HACE1: variants seen among roughly 807,000 people sequenced by gnomAD.
HACE1 encodes the protein HECT domain and ankyrin repeat containing E3 ubiquitin protein ligase 1.
A neutral mutation model predicts 118.4 loss-of-function variants in HACE1; 73 were observed. The observed-to-expected ratio is 0.62, with a 90% CI of 0.51 to 0.75. The LOEUF is 0.75. Ranked by LOEUF, HACE1 falls within the 30% of genes least tolerant of loss-of-function variation. The probability of loss-of-function intolerance (pLI) is 0.00; values close to 1 mark genes in which losing one functional copy is unlikely to be tolerated. For synonymous variants in HACE1, 368 were observed against 374.8 expected, an observed-to-expected ratio of 0.98 and a Z score of 0.21; for missense variants, 749 against 1,102.2, an observed-to-expected ratio of 0.68 and a Z score of 4.54.
At chr6:104,738,046 C>G (rs1486930393) in intron 22 of HACE1, among the ~76,000 whole-genome samples, 2 of 152,178 alleles carry the variant, frequency 1.3e-5, no homozygotes, top group African/African-American at 4.8e-5. Context: ...AGGCACCCCC[C>G]AGCAGGGGCA....
chr6:104,822,310 G>C (rs1772831489), intron 6 of HACE1, among the ~76,000 whole-genome samples: 1 of 150,858 alleles, frequency 6.6e-6, no homozygotes, highest in African/African-American at 2.4e-5. Context: ...ATGAACCCAG[G>C]AGGCAGAGCT....
At chr6:104,785,984 T>A (rs889446942) in intron 11 of HACE1, 2 of 152,154 alleles carry the variant, frequency 1.3e-5, no homozygotes, top group African/African-American at 4.8e-5. Context: ...ACAATCCATT[T>A]CTAATAATTA....
At position 104,774,073 on chromosome 6, in the gene HACE1, C is replaced by G. The variant is rs1479755581; in HGVS notation, c.1865-1999G>C. Among the ~76,000 whole-genome samples, 3 of 136,876 alleles carry G rather than the reference C, an allele frequency of 2.2e-5. No homozygotes were observed. In the Admixed American group the frequency reaches 2.3e-4, roughly 10 times the overall value. The allele number at this position is 136,876 out of a possible 152,430, so 89.8% of individuals were successfully genotyped here. A position where few individuals can be genotyped will look rare whatever the true frequency, so the allele number is the denominator to read the frequency against. ...CACATTACAAAAAATAGGTTATCAT[C>G]TTTTCTCTTTTTTTTTTTTTTTTTT... On this transcript the variant is annotated intron_variant, in intron 17 of 23. Transcript: ENST00000262903.
chr6:104,853,077 G>A (rs1776399344), intron 1 of HACE1, among the ~76,000 whole-genome samples: 1 of 152,126 alleles, frequency 6.6e-6, no homozygotes, highest in African/African-American at 2.4e-5. Context: ...GCTTTGGGGA[G>A]GCAATTGAGC....
At chr6:104,735,618 G>A (rs1346588524) in intron 22 of HACE1, among the ~76,000 whole-genome samples, 2 of 151,260 alleles carry the variant, frequency 1.3e-5, no homozygotes, top group South Asian at 2.1e-4. Flanking sequence ...ACGACAGAGC[G>A]AGACTCCGTC....
chr6:104,772,390 T>C (rs1002778290), intron 17 of HACE1, among the ~76,000 whole-genome samples: 1 of 152,144 alleles, frequency 6.6e-6, no homozygotes, highest in Non-Finnish European at 1.5e-5. Flanking sequence ...GAGGATCATA[T>C]ACACATACAC....
At chr6:104,784,367 G>A (rs780064386) in intron 13 of HACE1, 50 bp downstream of exon 13, 2 of 1,214,658 alleles carry the variant, frequency 1.6e-6, no homozygotes, top group Non-Finnish European at 2.5e-6. Context: ...GAAACTGTAA[G>A]TAAAGAGAGG....
chr6:104,791,672 AAT>A lies in HACE1; in HGVS notation c.924-20_924-19del. 6.5e-7 allele frequency: 1 copy of A among 1,538,334 alleles called. No individual in the cohort carries two copies. The highest frequency in any genetic ancestry group is 9.0e-7 in the Non-Finnish European group (1 of 1,112,312). On this transcript the variant is annotated intron_variant, in intron 10 of 23. Coordinates refer to ENST00000262903, the MANE Select transcript of HACE1 (RefSeq NM_020771.4). ...TAGAGAGGCTGAAAATAAAAATTAA[AAT>A]ATGAGATTAGAGTAAAACAAATTAC... is the stretch of plus-strand genomic sequence containing the variant.
chr6:104,771,508 C>A, intron 18 of HACE1, 119 bp from the exon 19 acceptor site: 1 of 656,854 alleles, frequency 1.5e-6, no homozygotes, highest in African/African-American at 1.8e-5. Context: ...TACAATCCTA[C>A]ACACAGCATA....
rs1476662253 is a variant in HACE1, at chr6:104,819,769, C to A, written c.535-8376G>T. ...ACTATCTGATCTTCCACAAACCTGA[C>A]AAAAACAAGCAATGGGGAAAGGATT... On this transcript the variant is annotated intron_variant, in intron 6 of 23. Transcript: ENST00000262903. Among the ~76,000 whole-genome samples, 2 of 152,102 alleles carry A rather than the reference C, an allele frequency of 1.3e-5. 1 individual carries two copies. The highest frequency in any genetic ancestry group is 3.9e-4 in the East Asian group (2 of 5,190).
intron 14 of HACE1, chr6:104,780,307 T>C: frequency 2.3e-6 from 1 of 439,796 alleles, no homozygotes. Flanking sequence ...TACAAACACC[T>C]ACACAGCCAA....
chr6:104,859,658 C>T lies in HACE1; in HGVS notation c.-16G>A, dbSNP rs1314945969. 4.6e-6 allele frequency: 7 copies of T among 1,526,854 alleles called. No individual in the cohort carries two copies. The highest frequency in any genetic ancestry group is 6.1e-6 in the Non-Finnish European group (7 of 1,140,210). The allele number at this position is 1,526,854 out of a possible 1,614,324, so 94.6% of individuals were successfully genotyped here. A position where few individuals can be genotyped will look rare whatever the true frequency, so the allele number is the denominator to read the frequency against. ...CTCTCTCCATCCTCGGCGCGCCCTC[C>T]GCGATCCTCCGCGATCAGCCGCCCC... On this transcript the variant is annotated 5_prime_UTR_variant, in exon 1 of 24. Transcript: ENST00000262903.
chr6:104,835,444 G>GA (rs892557372), intron 5 of HACE1, among the ~76,000 whole-genome samples: 33 of 151,442 alleles, frequency 2.2e-4, no homozygotes, highest in Admixed American at 4.6e-4. Context: ...AAGAGACAAG[G>GA]AAAAAAAACT....
chr6:104,770,043 C>T (rs71570316), intron 19 of HACE1, among the ~76,000 whole-genome samples: 1,545 of 152,114 alleles, frequency 0.01, 8 homozygotes, highest in Middle Eastern at 0.044. Flanking sequence ...ATTATTATTC[C>T]AATTCTACAG....
intron 6 of HACE1, among the ~76,000 whole-genome samples, chr6:104,832,376 T>C (rs1774088382): frequency 1.6e-5 from 2 of 124,644 alleles, no homozygotes; most frequent in African/African-American, 2.5e-5. Context: ...ACTATTTTCC[T>C]GTTTTTTGTT....
At chr6:104,771,111 G>C (rs1780559482) in intron 19 of HACE1, 82 bp downstream of exon 19, 2 of 969,828 alleles carry the variant, frequency 2.1e-6, no homozygotes. Flanking sequence ...TTTTCTACAA[G>C]TGCCAGAAGA....
At chr6:104,779,938 CAA>C (rs1781557593) in intron 14 of HACE1, among the ~76,000 whole-genome samples, 1 of 151,970 alleles carries the variant, frequency 6.6e-6, no homozygotes, top group Non-Finnish European at 1.5e-5. Flanking sequence ...AAGCACTTTA[CAA>C]TGCATTACCA....
intron 6 of HACE1, among the ~76,000 whole-genome samples, chr6:104,831,980 G>GGAGGA (rs1554259071): frequency 1.6e-3 from 100 of 62,930 alleles, no homozygotes; most frequent in South Asian, 2.3e-3. Flanking sequence ...GAAGAGAAGA[G>GGAGGA]AGGAAGGAAG....
intron 11 of HACE1, 39 bp from the exon 12 acceptor site, chr6:104,785,358 A>C (rs751760021): frequency 1.8e-5 from 21 of 1,156,538 alleles, no homozygotes; most frequent in Non-Finnish European, 2.7e-5. Context: ...ATCATTCTTA[A>C]ACTACAGGAT....
Sources: allele counts gnomAD v4.1 joint callset (sites outside exome capture counted in the v4.1 genomes callset), GRCh38; gene constraint gnomAD v4.1.1; transcripts MANE v1.5; gene names NCBI Gene and HGNC (gene_info 2026-07-23, HGNC 2026-07-21).